DPYSL3: variants seen among roughly 807,000 people sequenced by gnomAD.
The protein encoded by DPYSL3 is dihydropyrimidinase like 3, also known as dihydropyrimidinase-related protein 3.
Under a neutral mutation model 66.1 loss-of-function variants are expected in DPYSL3, and 16 were observed. The observed-to-expected ratio is 0.24, with a 90% CI of 0.16 to 0.37. DPYSL3 has a LOEUF of 0.37. Ranked by LOEUF, DPYSL3 falls within the 10% of genes least tolerant of loss-of-function variation. The pLI, the probability that DPYSL3 is intolerant of heterozygous loss-of-function variation, is 1.00. For missense variants in DPYSL3, 738 were observed against 916.2 expected, an observed-to-expected ratio of 0.81 and a Z score of 2.51; for synonymous variants, 338 against 345.1, an observed-to-expected ratio of 0.98 and a Z score of 0.23.
chr5:147,466,826 T>C (rs1205296068), intron 1 of DPYSL3, among the ~76,000 whole-genome samples: 3 of 152,220 alleles, frequency 2.0e-5, no homozygotes, highest in African/African-American at 4.8e-5. Context: ...TCCAGGGCCA[T>C]TGGCCTCATT....
intron 1 of DPYSL3, among the ~76,000 whole-genome samples, chr5:147,495,048 G>T (rs887515450): frequency 6.6e-6 from 1 of 152,074 alleles, no homozygotes; most frequent in Admixed American, 6.5e-5. Context: ...ATCTATTAAA[G>T]AAACCAAATC....
intron 1 of DPYSL3, among the ~76,000 whole-genome samples, chr5:147,457,838 C>CTGGT (rs920674676): frequency 6.6e-6 from 1 of 152,210 alleles, no homozygotes; most frequent in African/African-American, 2.4e-5. Flanking sequence ...AGAAACAAGA[C>CTGGT]TGGTTCCTCC....
chr5:147,395,701 G>A lies in DPYSL3; in HGVS notation c.1824C>T (p.Val608=). 2 of 1,613,982 alleles carry A rather than the reference G, an allele frequency of 1.2e-6. No individual in the cohort carries two copies. The change falls in exon 13 of 14, where the codon GTC becomes GTT. Residue 608 remains valine (V), a synonymous_variant. Coordinates refer to ENST00000343218, the MANE Select transcript of DPYSL3 (RefSeq NM_001197294.2). ...ARRKMADLHA[V]PRGMYDGPVF... ...CAGGCCCATCGTACATGCCCCTTGG[G>A]ACGGCATGCAGGTCTGCCATCTGCA...
chr5:147,394,616 C>T (rs913891863), intron 13 of DPYSL3, among the ~76,000 whole-genome samples: 1 of 145,270 alleles, frequency 6.9e-6, no homozygotes, highest in Admixed American at 7.1e-5. Flanking sequence ...TCAATGTGTG[C>T]TTGGGTCTAT....
chr5:147,481,228 GT>G (rs958504329), intron 1 of DPYSL3, among the ~76,000 whole-genome samples: 6 of 152,094 alleles, frequency 3.9e-5, no homozygotes, highest in Admixed American at 3.3e-4. Context: ...TGTTGAAACT[GT>G]TTTTGTTATC....
intron 1 of DPYSL3, among the ~76,000 whole-genome samples, chr5:147,432,143 G>T (rs1278321577): frequency 6.6e-6 from 1 of 152,140 alleles, no homozygotes; most frequent in Admixed American, 6.5e-5. Flanking sequence ...CATACTTAAT[G>T]ACCACTGAGG....
rs188745183 is a variant in DPYSL3, at chr5:147,408,604, A to G, written c.1032+124T>C. On this transcript the variant is annotated intron_variant, in intron 7 of 13. Coordinates refer to ENST00000343218, the MANE Select transcript of DPYSL3 (RefSeq NM_001197294.2). ...ATTTTCTCACGGGCTCCTGAGTTAG[A>G]GTCAATCAGAAGTGGTCTTTGGAAG... 4,686 of 973,360 alleles carry G rather than the reference A, an allele frequency of 4.8e-3. 142 individuals carry two copies. In the African/African-American group the frequency reaches 0.068, roughly 14 times the overall value. 60.3% of individuals were successfully genotyped at this position (973,360 alleles called of 1,614,324 possible).
intron 1 of DPYSL3, among the ~76,000 whole-genome samples, chr5:147,469,847 A>G (rs1419630826): frequency 6.6e-6 from 1 of 152,174 alleles, no homozygotes; most frequent in Non-Finnish European, 1.5e-5. Context: ...GTTTCCACCT[A>G]GGTGATCCAC....
chr5:147,415,888 C>T lies in DPYSL3; in HGVS notation c.656-15G>A, dbSNP rs769000116. 56 of 1,611,688 alleles carry T rather than the reference C, an allele frequency of 3.5e-5. No homozygotes were observed. Among genetic ancestry groups the T allele is most frequent in the Non-Finnish European group, 4.5e-5 (53 of 1,178,956 alleles). ...CACATGGTCAACTGAATGACAGAGA[C>T]CCCAGATGAGTCACTCTCAGACACA... On this transcript the variant is annotated splice_polypyrimidine_tract_variant and intron_variant, in intron 3 of 13. Coordinates refer to ENST00000343218, the MANE Select transcript of DPYSL3 (RefSeq NM_001197294.2).
At chr5:147,477,832 T>G (rs1377547726) in intron 1 of DPYSL3, among the ~76,000 whole-genome samples, 10 of 151,898 alleles carry the variant, frequency 6.6e-5, no homozygotes, top group Admixed American at 3.9e-4. Context: ...TCCACCCGCC[T>G]CGGCCTCCCA....
At chr5:147,421,122 T>C (rs1043831090) in intron 2 of DPYSL3, among the ~76,000 whole-genome samples, 6 of 152,170 alleles carry the variant, frequency 3.9e-5, no homozygotes, top group Non-Finnish European at 8.8e-5. Flanking sequence ...AACCCCATCA[T>C]CTCAGCCCAA....
At chr5:147,423,629 A>C (rs1474652215) in intron 2 of DPYSL3, among the ~76,000 whole-genome samples, 2 of 152,342 alleles carry the variant, frequency 1.3e-5, no homozygotes, top group Middle Eastern at 3.4e-3. Flanking sequence ...GAGAGTAAGT[A>C]AGTCTCCTTA....
Position 147,391,594 on chromosome 5 carries a change from A to G in DPYSL3, c.*2441T>C, listed in dbSNP as rs1157905250. The stretch of plus-strand genomic sequence containing the variant: ...TTGCATGAGGTGCCAGTGAATTCGA[A>G]GAGGGCCGGGACTCACCATTGTTTT... On this transcript the variant is annotated 3_prime_UTR_variant, in exon 14 of 14. Transcript: ENST00000343218. 6.6e-6 allele frequency: 1 copy of G among 152,282 alleles called. No homozygotes were observed. The highest frequency in any genetic ancestry group is 2.4e-5 in the African/African-American group (1 of 41,446). The allele number at this position is 152,282 out of a possible 1,614,324, so 9.4% of individuals were successfully genotyped here.
chr5:147,394,796 G>A (rs1170385153), intron 13 of DPYSL3, among the ~76,000 whole-genome samples: 2 of 151,826 alleles, frequency 1.3e-5, no homozygotes, highest in African/African-American at 4.8e-5. Context: ...CTTCCCCTAG[G>A]TCTCCCTTAC....
At chr5:147,404,635 C>A (rs1369286388) in intron 8 of DPYSL3, among the ~76,000 whole-genome samples, 1 of 152,192 alleles carries the variant, frequency 6.6e-6, no homozygotes, top group African/African-American at 2.4e-5. Context: ...CACAACTGAG[C>A]CCACGAGTCT....
At chr5:147,485,691 C>T (rs886917350) in intron 1 of DPYSL3, among the ~76,000 whole-genome samples, 1 of 152,160 alleles carries the variant, frequency 6.6e-6, no homozygotes, top group African/African-American at 2.4e-5. Context: ...CCTGCCCTTA[C>T]AGAGCTGAGC....
At position 147,393,981 on chromosome 5, in the gene DPYSL3, T is replaced by C. The variant is rs1757892386; in HGVS notation, c.*54A>G. The C allele has an allele frequency of 1.3e-6, 2 of 1,570,452 alleles. No individual in the cohort carries two copies. The highest frequency in any genetic ancestry group is 8.8e-7 in the Non-Finnish European group (1 of 1,142,136). ...CTTCTTAAATATCGGTGTACCATTT[T>C]GGCTTCAAAACAATCTCTTCTTGCT... On this transcript the variant is annotated 3_prime_UTR_variant, in exon 14 of 14. Transcript: ENST00000343218.
At chr5:147,447,767 G>A (rs931705604) in intron 1 of DPYSL3, among the ~76,000 whole-genome samples, 2 of 152,184 alleles carry the variant, frequency 1.3e-5, no homozygotes, top group African/African-American at 2.4e-5. Flanking sequence ...CTACTCAGGA[G>A]GCGGAGGTTG....
intron 1 of DPYSL3, among the ~76,000 whole-genome samples, chr5:147,468,867 G>A (rs189348826): frequency 2.0e-5 from 3 of 152,248 alleles, no homozygotes; most frequent in Admixed American, 2.0e-4. Flanking sequence ...GACCTTGCAA[G>A]TTGAGTTTTC....
Sources: allele counts gnomAD v4.1 joint callset (sites outside exome capture counted in the v4.1 genomes callset), GRCh38; gene constraint gnomAD v4.1.1; transcripts MANE v1.5; gene names NCBI Gene and HGNC (gene_info 2026-07-23, HGNC 2026-07-21).